The following RAB38 variants were observed in gnomAD, a reference collection of about 807,000 sequenced individuals.
RAB38 encodes the protein ras-related protein Rab-38.
In RAB38, 15 loss-of-function variants were observed where a neutral mutation model predicts 18.4. That is an observed-to-expected ratio of 0.82 (90% CI 0.55 to 1.26). The LOEUF (loss-of-function observed/expected upper bound fraction) is 1.26. Ranked by LOEUF, RAB38 falls within the 50% of genes most tolerant of loss-of-function variation. RAB38 has a pLI of 0.00. For missense variants in RAB38, 294 were observed against 267.4 expected (o/e 1.10, Z -0.69); for synonymous variants, 101 against 104.4 (o/e 0.97, Z 0.20).
the RAB38 span, among the ~76,000 whole-genome samples, chr11:87,804,943 C>CA: frequency 2.6e-5 from 4 of 152,056 alleles, no homozygotes; most frequent in African/African-American, 7.2e-5. Context: ...AATTTGAATT[C>CA]AAAAAAAGTC....
chr11:87,837,222 T>C, the RAB38 span, among the ~76,000 whole-genome samples: 1 of 152,208 alleles, frequency 6.6e-6, no homozygotes, highest in South Asian at 2.1e-4. Context: ...ATGCTTCCTA[T>C]ATACTTACAT....
chr11:88,147,835 G>C (rs1315503285), intron 2 of RAB38, among the ~76,000 whole-genome samples: 1 of 152,130 alleles, frequency 6.6e-6, no homozygotes, highest in Admixed American at 6.5e-5. Context: ...GGAGCTTGCA[G>C]TGAGCCGAGA....
intron 1 of RAB38, 110 bp downstream of exon 1, chr11:88,175,073 C>T (rs1476558250): frequency 1.5e-5 from 19 of 1,281,086 alleles, no homozygotes; most frequent in Non-Finnish European, 2.0e-5. Flanking sequence ...GGAAAAACTG[C>T]CTCGCGACCT....
the RAB38 span, among the ~76,000 whole-genome samples, chr11:87,973,258 T>C: frequency 3.9e-5 from 6 of 152,114 alleles, no homozygotes; most frequent in Non-Finnish European, 8.8e-5. Context: ...ACATATTTTG[T>C]CCATTAAATA....
the RAB38 span, among the ~76,000 whole-genome samples, chr11:87,956,982 T>TG: frequency 2.0e-5 from 2 of 99,184 alleles, no homozygotes; most frequent in Non-Finnish European, 2.8e-5. Flanking sequence ...ATGCAGTTTT[T>TG]TGGGGGGGGG....
the RAB38 span, among the ~76,000 whole-genome samples, chr11:88,057,100 G>A: frequency 6.6e-6 from 1 of 152,166 alleles, no homozygotes; most frequent in Admixed American, 6.5e-5. Flanking sequence ...CCACTGGAGA[G>A]ACACTTACAC....
the RAB38 span, among the ~76,000 whole-genome samples, chr11:87,832,803 T>G: frequency 6.6e-6 from 1 of 151,804 alleles, no homozygotes; most frequent in African/African-American, 2.4e-5. Flanking sequence ...GCTTTGTATT[T>G]TAAAGTCCCT....
the RAB38 span, among the ~76,000 whole-genome samples, chr11:87,945,807 C>T: frequency 6.6e-6 from 1 of 152,122 alleles, no homozygotes; most frequent in Non-Finnish European, 1.5e-5. Context: ...AGCTGCCCTG[C>T]TACACTTGGC....
At chr11:87,895,432 T>C in the RAB38 span, among the ~76,000 whole-genome samples, 1 of 151,504 alleles carries the variant, frequency 6.6e-6, no homozygotes, top group African/African-American at 2.4e-5. Context: ...AGCCTTTGCT[T>C]TGGAGAGCAA....
the RAB38 span, among the ~76,000 whole-genome samples, chr11:88,099,635 C>T: frequency 6.6e-6 from 1 of 151,806 alleles, no homozygotes; most frequent in African/African-American, 2.4e-5. Context: ...ACACATAGCC[C>T]TACTCATGGG....
At chr11:87,976,525 T>C in the RAB38 span, among the ~76,000 whole-genome samples, 2 of 88 alleles carry the variant, frequency 0.023, no homozygotes, top group Non-Finnish European at 0.029. Flanking sequence ...ATATTTTATA[T>C]ATATTTTTTA....
chr11:87,914,006 T>A, the RAB38 span, among the ~76,000 whole-genome samples: 1 of 151,728 alleles, frequency 6.6e-6, no homozygotes, highest in African/African-American at 2.4e-5. Flanking sequence ...GAAAACAGAG[T>A]AAGGTAGAAA....
At chr11:88,012,343 G>A in the RAB38 span, among the ~76,000 whole-genome samples, 5 of 152,140 alleles carry the variant, frequency 3.3e-5, no homozygotes, top group Non-Finnish European at 5.9e-5. Flanking sequence ...CATAAGGCCA[G>A]CAGCAGGAAA....
chr11:88,174,045 G>A (rs1051803019), intron 1 of RAB38: 1 of 985,278 alleles, frequency 1.0e-6, no homozygotes, highest in African/African-American at 1.7e-5. Flanking sequence ...AAGGTTCCTG[G>A]TGTCACAGAC....
chr11:87,951,839 G>T, the RAB38 span, among the ~76,000 whole-genome samples: 1 of 152,114 alleles, frequency 6.6e-6, no homozygotes, highest in Non-Finnish European at 1.5e-5. Context: ...AGGCTACTCG[G>T]GTGTCAGGGA....
chr11:88,065,047 G>A, the RAB38 span, among the ~76,000 whole-genome samples: 25 of 152,004 alleles, frequency 1.6e-4, no homozygotes, highest in Non-Finnish European at 3.1e-4. Context: ...TCATTTTATC[G>A]TCTCTTTAGT....
the RAB38 span, among the ~76,000 whole-genome samples, chr11:88,005,207 CAG>C: frequency 5.3e-5 from 8 of 151,206 alleles, no homozygotes; most frequent in African/African-American, 1.7e-4. Context: ...GGAATAAACT[CAG>C]AGAATTCACA....
At chr11:88,173,834 T>C (rs1220208136) in intron 1 of RAB38, 1 of 985,296 alleles carries the variant, frequency 1.0e-6, no homozygotes, top group Non-Finnish European at 1.2e-6. Context: ...GTTCATCTGT[T>C]CACATGCTAA....
At chr11:87,842,816 GC>G in the RAB38 span, among the ~76,000 whole-genome samples, 2 of 147,236 alleles carry the variant, frequency 1.4e-5, no homozygotes, top group Non-Finnish European at 3.0e-5. Flanking sequence ...ACACGCGCGC[GC>G]ACACACACAC....
Sources: gnomAD v4.1 joint callset for allele counts (sites outside exome capture counted in the v4.1 genomes callset) on GRCh38, gnomAD v4.1.1 for gene constraint, MANE v1.5 for transcripts, NCBI Gene and HGNC (gene_info 2026-07-23, HGNC 2026-07-21) for gene names.